EPS8: variants seen among roughly 807,000 people sequenced by gnomAD.
EPS8 encodes the protein EGFR pathway substrate 8, signaling adaptor, also known as epidermal growth factor receptor kinase substrate 8.
EPS8 carries 42 observed loss-of-function variants against 103.8 expected under a neutral mutation model. That is an observed-to-expected ratio of 0.40 (90% CI 0.32 to 0.52). The LOEUF is 0.52. Ranked by LOEUF, EPS8 falls within the 20% of genes least tolerant of loss-of-function variation. EPS8 has a pLI of 0.40. For missense variants in EPS8, 969 were observed against 1,005.1 expected (o/e 0.96, Z 0.49); for synonymous variants, 344 against 344.6 (o/e 1.00, Z 0.02).
chr12:15,637,957 T>C (rs888772121), intron 17 of EPS8, among the ~76,000 whole-genome samples: 1 of 152,154 alleles, frequency 6.6e-6, no homozygotes, highest in Non-Finnish European at 1.5e-5. Flanking sequence ...TATGTATTTG[T>C]GGAATGAGTG....
rs937184644 is a variant in EPS8 at position 15,701,241 on chromosome 12, T to C, written c.-21-18269A>G. Among the ~76,000 whole-genome samples the C allele has an allele frequency of 1.3e-5, 2 of 152,248 alleles. No individual in the cohort carries two copies. The highest frequency in any genetic ancestry group is 4.8e-5 in the African/African-American group (2 of 41,466). On this transcript the variant is annotated intron_variant, in intron 1 of 20. Coordinates refer to ENST00000281172, the MANE Select transcript of EPS8 (RefSeq NM_004447.6). The surrounding 1 kb of genome is among the most constrained non-coding windows in gnomAD (Gnocchi z 5.1). ...ATGTGTCAAACGTTGTTGTAAGTTC[T>C]TTGCATGCATTAATTCAATTGATAA... is the stretch of plus-strand genomic sequence containing the variant.
rs1459687542 is a variant in EPS8, at chr12:15,714,264, A to C, written c.-21-31292T>G. Among the ~76,000 whole-genome samples, 2 of 152,170 alleles carry C rather than the reference A, an allele frequency of 1.3e-5. No individual in the cohort carries two copies. Among genetic ancestry groups the C allele is most frequent in the Non-Finnish European group, 2.9e-5 (2 of 68,026 alleles). On this transcript the variant is annotated intron_variant, in intron 1 of 20. Coordinates refer to ENST00000281172, the MANE Select transcript of EPS8 (RefSeq NM_004447.6). The surrounding 1 kb of genome is among the most constrained non-coding windows in gnomAD (Gnocchi z 4.1). ...AAAAGTATATTTAAATTATTAAAGAAATGGAGAGAGAAAAAAGAGCCTATA... is the reference window on the plus strand; with the variant it reads ...AAAAGTATATTTAAATTATTAAAGACATGGAGAGAGAAAAAAGAGCCTATA...
rs1946903993 is a variant in EPS8, at chr12:15,749,042, A to AT, written c.-22+40118dup. 6.6e-6 allele frequency among the ~76,000 whole-genome samples: 1 copy of AT among 152,124 alleles called. No homozygotes were observed. Among genetic ancestry groups the AT allele is most frequent in the South Asian group, 2.1e-4 (1 of 4,834 alleles). Reference sequence around the variant, plus strand: ...GAGAGAACTTAAGGCCCTTTTAACTATTTTTGTCAAGATCCATCCTAGTGT... The same window carrying AT: ...GAGAGAACTTAAGGCCCTTTTAACTATTTTTTGTCAAGATCCATCCTAGTGT... On this transcript the variant is annotated intron_variant, in intron 1 of 20. Coordinates refer to ENST00000281172, the MANE Select transcript of EPS8 (RefSeq NM_004447.6). This position sits in a 1 kb window ranked among gnomAD's most constrained non-coding sequence, Gnocchi z 4.0.
rs189282244 is a variant in EPS8, at chr12:15,696,595, C to T, written c.-21-13623G>A. Among the ~76,000 whole-genome samples, 2 of 152,108 alleles carry T rather than the reference C, an allele frequency of 1.3e-5. No homozygotes were observed. The highest frequency in any genetic ancestry group is 4.8e-5 in the African/African-American group (2 of 41,504). ...GGCGGAGGTTGCAGTGAGCCAAGAT[C>T]GCACCATTGAACTCCAGCCTGGCGA... On this transcript the variant is annotated intron_variant, in intron 1 of 20. Transcript: ENST00000281172. The surrounding 1 kb of genome is among the most constrained non-coding windows in gnomAD (Gnocchi z 4.8).
intron 10 of EPS8, 72 bp from the exon 11 acceptor site, chr12:15,658,657 C>G (rs1291603520): frequency 1.0e-6 from 1 of 985,780 alleles, no homozygotes; most frequent in African/African-American, 1.6e-5. Context: ...AAACAAAAAC[C>G]ACATTTATGT....
At chr12:15,692,103 CCT>C (rs1017619655) in intron 1 of EPS8, among the ~76,000 whole-genome samples, 20 of 152,220 alleles carry the variant, frequency 1.3e-4, no homozygotes, top group African/African-American at 4.3e-4. Flanking sequence ...TCACGTTCCC[CCT>C]GTCTTGGAGC....
chr12:15,639,372 T>A (rs1048224424), intron 17 of EPS8, among the ~76,000 whole-genome samples: 1 of 152,030 alleles, frequency 6.6e-6, no homozygotes, highest in African/African-American at 2.4e-5. Flanking sequence ...GAAAAAGGTA[T>A]AAAAACTAAG....
chr12:15,676,841 T>C (rs1945917414), intron 3 of EPS8, among the ~76,000 whole-genome samples: 1 of 152,178 alleles, frequency 6.6e-6, no homozygotes, highest in Non-Finnish European at 1.5e-5. Context: ...ATTTCTTGTA[T>C]GGTAATTTAA....
At chr12:15,632,706 G>A (rs1591804519) in intron 17 of EPS8, among the ~76,000 whole-genome samples, 1 of 152,294 alleles carries the variant, frequency 6.6e-6, no homozygotes, top group East Asian at 1.9e-4. Context: ...ATATCAGGTA[G>A]TATTGATTTT....
Position 15,787,650 on chromosome 12 carries a change from T to C in EPS8, c.-22+1511A>G, listed in dbSNP as rs998882176. Among the ~76,000 whole-genome samples the C allele has an allele frequency of 6.6e-6, 1 of 152,208 alleles. No homozygotes were observed. The highest frequency in any genetic ancestry group is 6.5e-5 in the Admixed American group (1 of 15,282). ...GTAGAATTAAAAGCAAATTATATTTTCCTTCTTTTTTTTCTGCTATAAAGT... is the reference window on the plus strand; with the variant it reads ...GTAGAATTAAAAGCAAATTATATTTCCCTTCTTTTTTTTCTGCTATAAAGT... On this transcript the variant is annotated intron_variant, in intron 1 of 20. Coordinates refer to ENST00000281172, the MANE Select transcript of EPS8 (RefSeq NM_004447.6). This position sits in a 1 kb window ranked among gnomAD's most constrained non-coding sequence, Gnocchi z 4.9.
intron 1 of EPS8, chr12:15,732,686 G>C: frequency 5.4e-6 from 4 of 741,040 alleles, no homozygotes; most frequent in Non-Finnish European, 6.6e-6. Context: ...TGTTTACTAA[G>C]AAACAACATT....
chr12:15,681,366 C>T, intron 2 of EPS8, 64 bp from the exon 3 acceptor site: 1 of 651,074 alleles, frequency 1.5e-6, no homozygotes, highest in Non-Finnish European at 2.2e-6. Flanking sequence ...GGGTTAAAGT[C>T]CAATATAAGT....
rs546542796 is a variant in EPS8 at position 15,786,477 on chromosome 12, G to T, written c.-22+2684C>A. On this transcript the variant is annotated intron_variant, in intron 1 of 20. Coordinates refer to ENST00000281172, the MANE Select transcript of EPS8 (RefSeq NM_004447.6). ...ATGGTAGGGTCCTGGAACAGAAAAA[G>T]GACATTAAAAACTAAGGAAATCTAA... is the stretch of plus-strand genomic sequence containing the variant. Among the ~76,000 whole-genome samples the T allele has an allele frequency of 3.3e-5, 5 of 151,996 alleles. No homozygotes were observed. The South Asian group carries it at 1.0e-3, about 32-fold the overall frequency.
At position 15,777,543 on chromosome 12, in the gene EPS8, C is replaced by A. The variant is rs768092679; in HGVS notation, c.-22+11618G>T. ...GCTTCAATCCCTCCTTTGTTTCAAA[C>A]CCCCTAGCAGCCTAAACTTAACCTT... On this transcript the variant is annotated intron_variant, in intron 1 of 20. Transcript: ENST00000281172. The surrounding 1 kb of genome is among the most constrained non-coding windows in gnomAD (Gnocchi z 4.7). 6.6e-6 allele frequency among the ~76,000 whole-genome samples: 1 copy of A among 152,174 alleles called. No individual in the cohort carries two copies. Among genetic ancestry groups the A allele is most frequent in the Non-Finnish European group, 1.5e-5 (1 of 68,026 alleles).
At chr12:15,691,804 C>T (rs1946175596) in intron 1 of EPS8, among the ~76,000 whole-genome samples, 1 of 152,006 alleles carries the variant, frequency 6.6e-6, no homozygotes, top group African/African-American at 2.4e-5. Context: ...TAAGAATACC[C>T]TTCCATTTTT....
At chr12:15,707,136 C>G (rs531057720) in intron 1 of EPS8, among the ~76,000 whole-genome samples, 4 of 152,284 alleles carry the variant, frequency 2.6e-5, no homozygotes, top group Admixed American at 2.6e-4. Flanking sequence ...TTACACTTTA[C>G]AGTACCTAAT....
rs765804024 is a variant in EPS8 at position 15,738,013 on chromosome 12, AC to A, written c.-22+51147del. ...TTATACAAACTTTAAAATTAGCTAA[AC>A]AAATAGTAAATGAGGGGAATTCGCT... On this transcript the variant is annotated intron_variant, in intron 1 of 20. Coordinates refer to ENST00000281172, the MANE Select transcript of EPS8 (RefSeq NM_004447.6). The surrounding 1 kb of genome is among the most constrained non-coding windows in gnomAD (Gnocchi z 6.2). Among the ~76,000 whole-genome samples, 1 of 149,758 alleles carries A rather than the reference AC, an allele frequency of 6.7e-6. No homozygotes were observed. Among genetic ancestry groups the A allele is most frequent in the Non-Finnish European group, 1.5e-5 (1 of 67,966 alleles).
intron 12 of EPS8, among the ~76,000 whole-genome samples, chr12:15,655,965 T>G (rs995402442): frequency 4.6e-5 from 7 of 152,196 alleles, no homozygotes; most frequent in Non-Finnish European, 8.8e-5. Context: ...ATATTATGAT[T>G]GGAGAGACCA....
intron 1 of EPS8, among the ~76,000 whole-genome samples, chr12:15,687,130 ATCT>A (rs1260431890): frequency 1.3e-5 from 2 of 152,062 alleles, no homozygotes; most frequent in Admixed American, 1.3e-4. Context: ...TAAAAAAAAA[ATCT>A]TCTTTAAACC....
Sources: gnomAD v4.1 joint callset for allele counts (sites outside exome capture counted in the v4.1 genomes callset) on GRCh38, gnomAD v4.1.1 for gene constraint, Gnocchi (gnomAD v3.1) non-coding constraint, MANE v1.5 for transcripts, NCBI Gene and HGNC (gene_info 2026-07-23, HGNC 2026-07-21) for gene names.